Variants in FGGY observed in about 807,000 individuals in gnomAD.
FGGY encodes the protein FGGY carbohydrate kinase domain-containing protein.
A neutral mutation model predicts 71.3 loss-of-function variants in FGGY; 72 were observed. The observed-to-expected ratio is 1.01, with a 90% CI of 0.84 to 1.23. FGGY has a LOEUF of 1.23. Among genes scored for constraint, FGGY ranks in the 50% most tolerant of loss-of-function variants. FGGY has a pLI of 0.00. For synonymous variants in FGGY, 251 were observed against 250.3 expected, an observed-to-expected ratio of 1.00 and a Z score of -0.02; for missense variants, 668 against 682.3, an observed-to-expected ratio of 0.98 and a Z score of 0.23.
At chr1:59,546,351 T>C (rs1298917071) in intron 7 of FGGY, among the ~76,000 whole-genome samples, 1 of 147,054 alleles carries the variant, frequency 6.8e-6, no homozygotes, top group Non-Finnish European at 1.5e-5. Flanking sequence ...AGTTCATATA[T>C]CTAGTAAATG....
chr1:59,428,070 A>G (rs574153203), intron 5 of FGGY, among the ~76,000 whole-genome samples: 11 of 152,322 alleles, frequency 7.2e-5, no homozygotes, highest in African/African-American at 2.6e-4. Flanking sequence ...GTATTTGCCA[A>G]GTGTGTGACA....
At chr1:59,673,761 TGC>T in intron 13 of FGGY, 1 of 350,262 alleles carries the variant, frequency 2.9e-6, no homozygotes. Context: ...GGTAGCAGCT[TGC>T]AGAAGCCTGA....
intron 11 of FGGY, chr1:59,641,321 G>A (rs1454725521): frequency 3.1e-6 from 5 of 1,611,192 alleles, no homozygotes; most frequent in Non-Finnish European, 4.2e-6. Flanking sequence ...TGGCAGCGTT[G>A]CACTCTCCCA....
chr1:59,444,396 T>A (rs139862652), intron 5 of FGGY, among the ~76,000 whole-genome samples: 1 of 152,302 alleles, frequency 6.6e-6, no homozygotes, highest in Non-Finnish European at 1.5e-5. Context: ...CTTTTTCATT[T>A]CTTCGTGTTG....
chr1:59,527,713 C>A (rs2095030175), intron 7 of FGGY, among the ~76,000 whole-genome samples: 1 of 152,124 alleles, frequency 6.6e-6, no homozygotes, highest in African/African-American at 2.4e-5. Flanking sequence ...TGCCTCTGTT[C>A]CTGTTTTAGT....
At chr1:59,552,842 T>C (rs949454890) in intron 7 of FGGY, among the ~76,000 whole-genome samples, 1 of 152,234 alleles carries the variant, frequency 6.6e-6, no homozygotes, top group Admixed American at 6.5e-5. Flanking sequence ...ACTTCCTGTA[T>C]TGAGCTAGCT....
At chr1:59,354,242 T>C (rs750350344) in intron 4 of FGGY, among the ~76,000 whole-genome samples, 5 of 152,038 alleles carry the variant, frequency 3.3e-5, no homozygotes, top group Admixed American at 6.5e-5. Flanking sequence ...CATGCCCAGA[T>C]AATTTGTGTA....
In FGGY at chr1:59,503,507, G is replaced by A. The variant is rs187197210; in HGVS notation, c.671-8804G>A. Among the ~76,000 whole-genome samples, 587 of 150,614 alleles carry A rather than the reference G, an allele frequency of 3.9e-3. 1 individual carries two copies. The highest frequency in any genetic ancestry group is 0.013 in the African/African-American group (542 of 41,020). On this transcript the variant is annotated intron_variant, in intron 6 of 15. Transcript: ENST00000303721. ...GTGGTATCTACAATATCTTGCCACT[G>A]TAGCATCTGCTATGTGTAATGAGAT...
chr1:59,382,310 G>A (rs1447982798), intron 5 of FGGY, among the ~76,000 whole-genome samples: 1 of 152,122 alleles, frequency 6.6e-6, no homozygotes, highest in Non-Finnish European at 1.5e-5. Context: ...CTTCCAGCAG[G>A]GAGACAGCAG....
intron 14 of FGGY, among the ~76,000 whole-genome samples, chr1:59,750,446 T>C (rs866458279): frequency 1.9e-4 from 29 of 152,366 alleles, no homozygotes; most frequent in Middle Eastern, 6.8e-3. Flanking sequence ...AAGATATTAA[T>C]GTACAGCTTG....
rs1392602174 is a variant in FGGY at position 59,507,672 on chromosome 1, C to T, written c.671-4639C>T. 3.5e-4 allele frequency among the ~76,000 whole-genome samples: 50 copies of T among 141,572 alleles called. 2 individuals are homozygous for T. Among genetic ancestry groups the T allele is most frequent in the Non-Finnish European group, 3.0e-5 (2 of 65,970 alleles). The allele number at this position is 141,572 out of a possible 152,430, so 92.9% of individuals were successfully genotyped here. ...AGCTGGGATTACAGGCAACTGCAAC[C>T]ATGCTTGGCTAATTTTTTTTTTTTT... On this transcript the variant is annotated intron_variant, in intron 6 of 15. Transcript: ENST00000303721.
intron 8 of FGGY, among the ~76,000 whole-genome samples, chr1:59,580,523 T>C (rs956115989): frequency 1.5e-4 from 23 of 152,166 alleles, no homozygotes; most frequent in Non-Finnish European, 2.6e-4. Context: ...ACTCAAAGTT[T>C]TCAGTTTTAT....
chr1:59,423,985 G>C (rs965102791), intron 5 of FGGY, among the ~76,000 whole-genome samples: 1 of 152,214 alleles, frequency 6.6e-6, no homozygotes, highest in African/African-American at 2.4e-5. Flanking sequence ...GGGGAGGCAA[G>C]GTGTTGTTTT....
Position 59,554,155 on chromosome 1 carries a change from C to T in FGGY, c.831C>T (p.Gly277=), listed in dbSNP as rs775123296. 3.1e-6 allele frequency: 5 copies of T among 1,613,152 alleles called. No individual in the cohort carries two copies. The highest frequency in any genetic ancestry group is 4.2e-6 in the Non-Finnish European group (5 of 1,179,224). The change falls in exon 8 of 16, where the codon GGC becomes GGT. Residue 277 remains glycine (G), a synonymous_variant. Transcript: ENST00000303721. ...TTGGGGCAGATGTGAGAGGGCACGGCCTCATCTGTGAGGGGCAGCCAGTGA... is the reference window on the plus strand; with the variant it reads ...TTGGGGCAGATGTGAGAGGGCACGGTCTCATCTGTGAGGGGCAGCCAGTGA... ...GVIGADVRGH[G]LICEGQPVTS...
chr1:59,585,409 A>T (rs551717757), intron 8 of FGGY, among the ~76,000 whole-genome samples: 5 of 152,352 alleles, frequency 3.3e-5, no homozygotes, highest in African/African-American at 1.2e-4. Context: ...GACAGAAACA[A>T]GAAATGGGGA....
At chr1:59,447,358 G>A (rs1256509086) in intron 5 of FGGY, among the ~76,000 whole-genome samples, 1 of 152,020 alleles carries the variant, frequency 6.6e-6, no homozygotes, top group Non-Finnish European at 1.5e-5. Context: ...AATATTCAGG[G>A]TGTGAACCTA....
intron 6 of FGGY, among the ~76,000 whole-genome samples, chr1:59,511,893 T>C (rs917724968): frequency 6.6e-6 from 1 of 152,174 alleles, no homozygotes; most frequent in Non-Finnish European, 1.5e-5. Flanking sequence ...GAATATACGT[T>C]CATTAGAGAG....
intron 6 of FGGY, among the ~76,000 whole-genome samples, chr1:59,509,239 G>A (rs1021328777): frequency 6.6e-6 from 1 of 152,066 alleles, no homozygotes; most frequent in African/African-American, 2.4e-5. Flanking sequence ...TTGTTCCATG[G>A]AATCCCTTCT....
chr1:59,440,111 A>C (rs1432583618), intron 5 of FGGY, among the ~76,000 whole-genome samples: 1 of 145,786 alleles, frequency 6.9e-6, no homozygotes, highest in Non-Finnish European at 1.5e-5. Context: ...AAAAAAAAAA[A>C]ACGGAAATGA....
Sources: allele counts gnomAD v4.1 joint callset (sites outside exome capture counted in the v4.1 genomes callset), GRCh38; gene constraint gnomAD v4.1.1; transcripts MANE v1.5; gene names NCBI Gene and HGNC (gene_info 2026-07-23, HGNC 2026-07-21).